Variants in ATP8A2 observed in about 807,000 individuals in gnomAD.
The protein encoded by ATP8A2 is ATPase phospholipid transporting 8A2.
In ATP8A2, 100 loss-of-function variants were observed where a neutral mutation model predicts 165.6. That is an observed-to-expected ratio of 0.60 (90% CI 0.51 to 0.71). ATP8A2 has a LOEUF of 0.71. Among genes scored for constraint, ATP8A2 ranks in the 30% least tolerant of loss-of-function variants. The probability of loss-of-function intolerance (pLI) is 0.00; values close to 1 mark genes in which losing one functional copy is unlikely to be tolerated. For missense variants in ATP8A2, 1,227 were observed against 1,479.5 expected (o/e 0.83, Z 2.80); for synonymous variants, 543 against 548.8 (o/e 0.99, Z 0.15).
rs200662216 is a variant in ATP8A2 at position 25,816,963 on chromosome 13, CAT to C, written c.2680-11154_2680-11153del. 9.1e-3 allele frequency among the ~76,000 whole-genome samples: 1,384 copies of C among 152,266 alleles called. 20 individuals carry two copies. The highest frequency in any genetic ancestry group is 0.032 in the African/African-American group (1,320 of 41,548). On this transcript the variant is annotated intron_variant, in intron 27 of 36. Transcript: ENST00000381655. ...GTGTGACTTTATTGGTTATAAAACA[CAT>C]GTTCTCAAATATTTGCCATAGATCC...
intron 2 of ATP8A2, among the ~76,000 whole-genome samples, chr13:25,489,804 T>A (rs2036467555): frequency 1.3e-5 from 2 of 152,216 alleles, no homozygotes; most frequent in South Asian, 4.1e-4. Context: ...TGTGTAGTGT[T>A]GATGTTGTAC....
At chr13:25,852,361 C>T (rs1952028332) in intron 30 of ATP8A2, among the ~76,000 whole-genome samples, 3 of 152,058 alleles carry the variant, frequency 2.0e-5, no homozygotes, top group Admixed American at 1.3e-4. Flanking sequence ...CCAAAATGTC[C>T]GTAGTGCCAC....
rs562458202 is a variant in ATP8A2 at position 25,906,769 on chromosome 13, T to C, written c.3183+44361T>C. ...GTCTTACCACTTTATTAAGCAAGCC[T>C]AAAGCTCAGTGGCAGAGTCCCTGAG... On this transcript the variant is annotated intron_variant, in intron 33 of 36. Transcript: ENST00000381655. Among the ~76,000 whole-genome samples the C allele has an allele frequency of 1.8e-4, 28 of 152,342 alleles. No individual in the cohort carries two copies. In the East Asian group the frequency reaches 5.0e-3, roughly 27 times the overall value.
chr13:25,778,873 A>T (rs1478259870), intron 27 of ATP8A2, among the ~76,000 whole-genome samples: 1 of 152,190 alleles, frequency 6.6e-6, no homozygotes, highest in Non-Finnish European at 1.5e-5. Flanking sequence ...AACACTTTTT[A>T]AGTGTTCCAT....
At chr13:25,888,686 C>G (rs1375702304) in intron 33 of ATP8A2, among the ~76,000 whole-genome samples, 1 of 152,120 alleles carries the variant, frequency 6.6e-6, no homozygotes, top group Non-Finnish European at 1.5e-5. Flanking sequence ...ATGGAGAAAC[C>G]CCATCTCTAC....
At chr13:25,524,921 T>TCCTTCCTTCCTG (rs1292784668) in intron 2 of ATP8A2, among the ~76,000 whole-genome samples, 3 of 151,114 alleles carry the variant, frequency 2.0e-5, no homozygotes, top group Non-Finnish European at 4.4e-5. Context: ...CTTCCTTCCT[T>TCCTTCCTTCCTG]CCTTCCTTCC....
chr13:25,489,424 G>A (rs1164786954), intron 2 of ATP8A2, among the ~76,000 whole-genome samples: 3 of 152,144 alleles, frequency 2.0e-5, no homozygotes, highest in Admixed American at 1.3e-4. Flanking sequence ...CATCTCCACC[G>A]TTTGCAGGCG....
chr13:25,375,613 G>A (rs1239763812), intron 1 of ATP8A2, among the ~76,000 whole-genome samples: 2 of 151,266 alleles, frequency 1.3e-5, no homozygotes, highest in Non-Finnish European at 2.9e-5. Flanking sequence ...TGAGCCTGTC[G>A]TCAGGCTGGA....
intron 24 of ATP8A2, among the ~76,000 whole-genome samples, chr13:25,639,335 A>G (rs1371422126): frequency 1.3e-5 from 2 of 152,224 alleles, no homozygotes; most frequent in Admixed American, 6.5e-5. Flanking sequence ...AAGACCCATC[A>G]GTGTGCTGTA....
intron 17 of ATP8A2, among the ~76,000 whole-genome samples, 159 bp downstream of exon 17, chr13:25,571,031 G>A (rs1005825024): frequency 2.0e-5 from 3 of 152,192 alleles, no homozygotes; most frequent in South Asian, 2.1e-4. Context: ...GTGCAAAGCC[G>A]TAGAGAGCCC....
At chr13:25,423,648 A>C (rs1333623476) in intron 1 of ATP8A2, among the ~76,000 whole-genome samples, 1 of 152,206 alleles carries the variant, frequency 6.6e-6, no homozygotes, top group Non-Finnish European at 1.5e-5. Context: ...AATCTAAAGG[A>C]TGTCAAATGT....
chr13:25,952,152 A>G (rs1022098565), intron 33 of ATP8A2, among the ~76,000 whole-genome samples: 1 of 152,198 alleles, frequency 6.6e-6, no homozygotes, highest in African/African-American at 2.4e-5. Context: ...TAGTAGAATC[A>G]TCTTCAGAGG....
At position 25,994,530 on chromosome 13, in the gene ATP8A2, G is replaced by T. The variant is rs74610831; in HGVS notation, c.3378-18001G>T. ...GCAGGTGTTTTTGTAGATGCTCTTTGTCAAGTTGGGGGAGTTCTTTTCTTA... is the reference window on the plus strand; with the variant it reads ...GCAGGTGTTTTTGTAGATGCTCTTTTTCAAGTTGGGGGAGTTCTTTTCTTA... On this transcript the variant is annotated intron_variant, in intron 35 of 36. Coordinates refer to ENST00000381655, the MANE Select transcript of ATP8A2 (RefSeq NM_016529.6). Among the ~76,000 whole-genome samples the T allele has an allele frequency of 3.9e-5, 6 of 152,146 alleles. No homozygotes were observed. The East Asian group carries it at 1.2e-3, about 29-fold the overall frequency.
intron 35 of ATP8A2, among the ~76,000 whole-genome samples, chr13:25,991,831 G>A (rs935528209): frequency 2.6e-5 from 4 of 151,558 alleles, no homozygotes; most frequent in African/African-American, 9.7e-5. Flanking sequence ...GTCAATATTA[G>A]GTCTTAATTT....
At chr13:25,650,389 A>G (rs2041784133) in intron 24 of ATP8A2, among the ~76,000 whole-genome samples, 1 of 152,108 alleles carries the variant, frequency 6.6e-6, no homozygotes, top group Non-Finnish European at 1.5e-5. Flanking sequence ...TAGTTTTGTG[A>G]TCTAGGAACT....
intron 27 of ATP8A2, among the ~76,000 whole-genome samples, chr13:25,811,580 A>G (rs1950870370): frequency 6.6e-6 from 1 of 152,148 alleles, no homozygotes; most frequent in Non-Finnish European, 1.5e-5. Context: ...GCAAGGCGCA[A>G]TGGCTCACAC....
chr13:25,974,665 G>A (rs1955988617), intron 35 of ATP8A2, among the ~76,000 whole-genome samples: 1 of 152,076 alleles, frequency 6.6e-6, no homozygotes, highest in Non-Finnish European at 1.5e-5. Flanking sequence ...GTCTATGCCG[G>A]TCCTTGCCAC....
intron 25 of ATP8A2, among the ~76,000 whole-genome samples, chr13:25,713,477 T>A (rs775290896): frequency 6.6e-6 from 1 of 152,224 alleles, no homozygotes; most frequent in Non-Finnish European, 1.5e-5. Flanking sequence ...ACAGCTTTCA[T>A]GTAGACGTTC....
rs772537768 is a variant in ATP8A2, at chr13:25,541,940, A to T, written c.673A>T (p.Met225Leu). ...TTAGGGTTTGAGTCACACTGCTGAC[A>T]TGCAAACACGTGAAGTTCTGATGAA... is the stretch of plus-strand genomic sequence containing the variant. ...IRQGLSHTAD[M>L]QTREVLMKLS... is the part of the protein sequence containing the mutation. Residue 225 changes from methionine to leucine, a missense_variant, in exon 9 of 37, where the codon ATG becomes TTG. Around this residue, in one of 5 missense-constraint regions of ATP8A2, gnomAD observed 356 missense variants for 394.9 expected, o/e 0.90. Transcript: ENST00000381655. 1.9e-6 allele frequency: 3 copies of T among 1,614,030 alleles called. No homozygotes were observed. In the African/African-American group the frequency reaches 4.0e-5, roughly 22 times the overall value.
Sources: allele counts gnomAD v4.1 joint callset (sites outside exome capture counted in the v4.1 genomes callset), GRCh38; gene constraint gnomAD v4.1.1; regional missense constraint gnomAD v4.1.1; transcripts MANE v1.5; gene names NCBI Gene and HGNC (gene_info 2026-07-23, HGNC 2026-07-21).